Variants in CNTNAP4 observed in about 807,000 individuals in gnomAD.
CNTNAP4 encodes the protein contactin associated protein family member 4.
CNTNAP4 carries 98 observed loss-of-function variants against 148.4 expected under a neutral mutation model. That is an observed-to-expected ratio of 0.66 (90% CI 0.56 to 0.78). CNTNAP4 has a LOEUF of 0.78. Among genes scored for constraint, CNTNAP4 ranks in the 30% least tolerant of loss-of-function variants. The pLI is 0.00. For synonymous variants in CNTNAP4, 730 were observed against 565.1 expected, an observed-to-expected ratio of 1.29 and a Z score of -4.14; for missense variants, 1,935 against 1,565.6, an observed-to-expected ratio of 1.24 and a Z score of -3.98.
At chr16:76,477,682 C>A (rs1402725022) in intron 11 of CNTNAP4, among the ~76,000 whole-genome samples, 1 of 152,128 alleles carries the variant, frequency 6.6e-6, no homozygotes, top group African/African-American at 2.4e-5. Flanking sequence ...CCACACCTCA[C>A]CTGTACTTGC....
At position 76,307,086 on chromosome 16, in the gene CNTNAP4, T is replaced by C. The variant is rs537748918; in HGVS notation, c.86-9327T>C. 9.9e-5 allele frequency among the ~76,000 whole-genome samples: 15 copies of C among 152,194 alleles called. No individual in the cohort carries two copies. In the South Asian group the frequency reaches 3.1e-3, roughly 32 times the overall value. ...CATAGCCTAACAATAACAAAAGTAC[T>C]TCATTGAATAACACAAAAAGCATGA... On this transcript the variant is annotated intron_variant, in intron 1 of 23. Transcript: ENST00000611870.
intron 8 of CNTNAP4, among the ~76,000 whole-genome samples, chr16:76,457,379 G>T (rs2080775600): frequency 6.6e-6 from 1 of 152,182 alleles, no homozygotes. Flanking sequence ...AGGAGGCTTG[G>T]GAAAAGCTTT....
chr16:76,302,728 C>T (rs1472530068), intron 1 of CNTNAP4, among the ~76,000 whole-genome samples: 1 of 152,146 alleles, frequency 6.6e-6, no homozygotes, highest in African/African-American at 2.4e-5. Flanking sequence ...TTCACAAATT[C>T]TGCCTGCACT....
chr16:76,478,404 C>A (rs893921750), intron 11 of CNTNAP4, among the ~76,000 whole-genome samples: 13 of 152,224 alleles, frequency 8.5e-5, no homozygotes, highest in African/African-American at 2.9e-4. Context: ...ATTATAGGAA[C>A]AAAATAAAAC....
intron 4 of CNTNAP4, among the ~76,000 whole-genome samples, chr16:76,440,865 C>T (rs2080011097): frequency 6.6e-6 from 1 of 151,992 alleles, no homozygotes; most frequent in Admixed American, 6.6e-5. Context: ...ATTGCTTTTT[C>T]AAGTGACAAC....
chr16:76,525,656 A>C (rs1461816551), intron 17 of CNTNAP4, among the ~76,000 whole-genome samples: 1 of 146,150 alleles, frequency 6.8e-6, no homozygotes, highest in African/African-American at 2.5e-5. Flanking sequence ...CTATAAAATT[A>C]TATATAGTTA....
At chr16:76,447,262 A>G (rs1041995802) in intron 4 of CNTNAP4, among the ~76,000 whole-genome samples, 5 of 151,904 alleles carry the variant, frequency 3.3e-5, no homozygotes, top group African/African-American at 9.7e-5. Flanking sequence ...GTGAGCCAAG[A>G]TAGTGTGAGT....
chr16:76,337,924 C>A (rs1213014227), intron 2 of CNTNAP4, among the ~76,000 whole-genome samples: 2 of 152,184 alleles, frequency 1.3e-5, no homozygotes, highest in East Asian at 1.9e-4. Flanking sequence ...AGGTTATCTT[C>A]CCTTGTTCCC....
At chr16:76,502,630 G>C (rs2082694452) in intron 15 of CNTNAP4, among the ~76,000 whole-genome samples, 1 of 152,132 alleles carries the variant, frequency 6.6e-6, no homozygotes, top group Non-Finnish European at 1.5e-5. Flanking sequence ...AAAGATGAGA[G>C]CTTGAACTAG....
At chr16:76,499,876 G>A (rs1188783624) in intron 15 of CNTNAP4, among the ~76,000 whole-genome samples, 5 of 152,086 alleles carry the variant, frequency 3.3e-5, no homozygotes, top group Non-Finnish European at 7.4e-5. Flanking sequence ...GGGGTTGGGG[G>A]TAAGGTTATA....
At chr16:76,374,682 T>G (rs1356801257) in intron 3 of CNTNAP4, among the ~76,000 whole-genome samples, 3 of 151,622 alleles carry the variant, frequency 2.0e-5, no homozygotes, top group Non-Finnish European at 4.4e-5. Context: ...TTTTCAAAAT[T>G]TTTAGTCTGT....
At chr16:76,303,504 A>G (rs1025257761) in intron 1 of CNTNAP4, among the ~76,000 whole-genome samples, 1 of 152,212 alleles carries the variant, frequency 6.6e-6, no homozygotes, top group Non-Finnish European at 1.5e-5. Flanking sequence ...GGTTGAAAAT[A>G]TCAGTAATGG....
intron 9 of CNTNAP4, among the ~76,000 whole-genome samples, chr16:76,464,046 C>T (rs892506378): frequency 6.6e-6 from 1 of 152,178 alleles, no homozygotes; most frequent in South Asian, 2.1e-4. Context: ...CCTGCAAAAT[C>T]CAGGCCACCC....
intron 17 of CNTNAP4, among the ~76,000 whole-genome samples, chr16:76,530,668 C>A (rs902702021): frequency 6.6e-6 from 1 of 152,310 alleles, no homozygotes; most frequent in Non-Finnish European, 1.5e-5. Flanking sequence ...ACTGAATTTT[C>A]TTCCCATGAC....
chr16:76,330,558 G>A (rs535981265), intron 2 of CNTNAP4, among the ~76,000 whole-genome samples: 9 of 152,244 alleles, frequency 5.9e-5, no homozygotes, highest in African/African-American at 1.7e-4. Context: ...TAATTTGGTA[G>A]TTTCAAAGAA....
chr16:76,525,647 T>C (rs1331859265), intron 17 of CNTNAP4, among the ~76,000 whole-genome samples: 1 of 145,000 alleles, frequency 6.9e-6, no homozygotes, highest in Non-Finnish European at 1.5e-5. Context: ...ACATATAAAC[T>C]ATAAAATTAT....
chr16:76,293,315 G>A (rs566792127), intron 1 of CNTNAP4, among the ~76,000 whole-genome samples: 96 of 152,034 alleles, frequency 6.3e-4, no homozygotes, highest in Non-Finnish European at 1.1e-3. Flanking sequence ...AGTAGAGACG[G>A]GGTTTCACCA....
intron 2 of CNTNAP4, among the ~76,000 whole-genome samples, chr16:76,325,035 C>A (rs138492336): frequency 2.0e-4 from 31 of 152,212 alleles, no homozygotes; most frequent in African/African-American, 7.5e-4. Flanking sequence ...CCAAGACAGC[C>A]AGCCCTCGGG....
intron 2 of CNTNAP4, among the ~76,000 whole-genome samples, chr16:76,327,916 C>CATT (rs35440216): frequency 0.34 from 52,010 of 151,864 alleles, 9,435 homozygotes; most frequent in African/African-American, 0.41. Flanking sequence ...GGCCTTCCGT[C>CATT]ATTGTTTCAC....
Sources: allele counts gnomAD v4.1 joint callset (sites outside exome capture counted in the v4.1 genomes callset), GRCh38; gene constraint gnomAD v4.1.1; transcripts MANE v1.5; gene names NCBI Gene and HGNC (gene_info 2026-07-23, HGNC 2026-07-21).